The following ADGRB3 variants were observed in gnomAD, a reference collection of about 807,000 sequenced individuals.
ADGRB3 encodes the protein brain-specific angiogenesis inhibitor 3.
ADGRB3 carries 37 observed loss-of-function variants against 193.4 expected under a neutral mutation model. That is an observed-to-expected ratio of 0.19 (90% confidence interval 0.15 to 0.25). The LOEUF is 0.25. Ranked by LOEUF, ADGRB3 falls within the 10% of genes least tolerant of loss-of-function variation. The pLI is 1.00. For missense variants in ADGRB3, 1,637 were observed against 1,852.9 expected (o/e 0.88, Z 2.14); for synonymous variants, 690 against 644.2 (o/e 1.07, Z -1.08).
intron 20 of ADGRB3, among the ~76,000 whole-genome samples, chr6:69,259,088 C>T (rs1766844658): frequency 6.6e-6 from 1 of 152,160 alleles, no homozygotes. Context: ...ATATTAAACA[C>T]TTTGACCTTC....
intron 3 of ADGRB3, among the ~76,000 whole-genome samples, chr6:68,881,383 G>C (rs1205196797): frequency 6.6e-6 from 1 of 151,882 alleles, no homozygotes; most frequent in Non-Finnish European, 1.5e-5. Flanking sequence ...TCCACATTTA[G>C]TACAATGCTG....
intron 19 of ADGRB3, among the ~76,000 whole-genome samples, chr6:69,237,346 T>A (rs1244547802): frequency 1.3e-5 from 2 of 152,016 alleles, no homozygotes; most frequent in African/African-American, 4.8e-5. Flanking sequence ...TTAAATTTGG[T>A]GGCGTTGCAT....
intron 3 of ADGRB3, among the ~76,000 whole-genome samples, chr6:68,801,336 G>GA (rs1463102625): frequency 1.3e-5 from 2 of 152,020 alleles, no homozygotes; most frequent in Admixed American, 1.3e-4. Flanking sequence ...TTGAAACCCA[G>GA]AAAAAAGAGA....
chr6:68,657,784 T>C (rs1768526017), intron 3 of ADGRB3, among the ~76,000 whole-genome samples: 1 of 151,478 alleles, frequency 6.6e-6, no homozygotes, highest in Non-Finnish European at 1.5e-5. Context: ...CAAATTTGTA[T>C]AGATCTTTGC....
chr6:68,861,935 G>A (rs533890), intron 3 of ADGRB3, among the ~76,000 whole-genome samples: 67,976 of 151,896 alleles, frequency 0.45, 16,549 homozygotes, highest in East Asian at 0.6. Flanking sequence ...TTTTATAAGA[G>A]CTAGATTAGT....
intron 17 of ADGRB3, among the ~76,000 whole-genome samples, chr6:69,086,042 GTAAT>G (rs2150315912): frequency 6.6e-6 from 1 of 151,942 alleles, no homozygotes; most frequent in African/African-American, 2.4e-5. Context: ...ATGGACATAA[GTAAT>G]TATACTTGAG....
intron 3 of ADGRB3, among the ~76,000 whole-genome samples, chr6:68,687,832 C>T (rs747664610): frequency 5.9e-5 from 9 of 152,130 alleles, no homozygotes; most frequent in Non-Finnish European, 1.2e-4. Flanking sequence ...CTTTAATATA[C>T]TTTGTTTTCA....
At chr6:68,989,883 G>C in intron 10 of ADGRB3, among the ~76,000 whole-genome samples, 1 of 152,072 alleles carries the variant, frequency 6.6e-6, no homozygotes, top group Non-Finnish European at 1.5e-5. Context: ...GGAGAAAACA[G>C]TAGTTGAAAG....
chr6:68,940,392 G>A (rs6912997), intron 5 of ADGRB3, among the ~76,000 whole-genome samples: 122,531 of 151,432 alleles, frequency 0.81, 50,369 homozygotes, highest in Non-Finnish European at 0.88. Flanking sequence ...GTAGCCCCCC[G>A]CTTTCCCCCA....
At chr6:68,921,244 G>A in intron 3 of ADGRB3, among the ~76,000 whole-genome samples, 1 of 152,044 alleles carries the variant, frequency 6.6e-6, no homozygotes, top group South Asian at 2.1e-4. Context: ...TTTAAAATCC[G>A]ACTATATATG....
At chr6:69,302,857 G>T (rs559019531) in intron 20 of ADGRB3, among the ~76,000 whole-genome samples, 1 of 152,062 alleles carries the variant, frequency 6.6e-6, no homozygotes, top group Admixed American at 6.6e-5. Context: ...GTCTTCACAG[G>T]ATTTATGACA....
chr6:69,016,399 A>G (rs1447925592), intron 12 of ADGRB3, among the ~76,000 whole-genome samples: 1 of 151,966 alleles, frequency 6.6e-6, no homozygotes, highest in Admixed American at 6.6e-5. Flanking sequence ...AGACCCTATT[A>G]CATAGCCAAA....
intron 17 of ADGRB3, among the ~76,000 whole-genome samples, chr6:69,114,949 A>G (rs934788769): frequency 6.6e-6 from 1 of 152,172 alleles, no homozygotes; most frequent in Non-Finnish European, 1.5e-5. Context: ...GAAACAACAG[A>G]TGCTGGAGAG....
At chr6:69,302,417 C>G (rs1020696152) in intron 20 of ADGRB3, among the ~76,000 whole-genome samples, 1 of 151,788 alleles carries the variant, frequency 6.6e-6, no homozygotes, top group African/African-American at 2.4e-5. Context: ...TGTTTTGTCC[C>G]CGAAGTCAGA....
intron 3 of ADGRB3, among the ~76,000 whole-genome samples, chr6:68,831,956 A>G (rs979408045): frequency 1.3e-5 from 2 of 152,188 alleles, no homozygotes; most frequent in African/African-American, 4.8e-5. Flanking sequence ...GGACATGCAG[A>G]CTTAATGATG....
chr6:68,938,561 C>T (rs1463915790), intron 5 of ADGRB3, among the ~76,000 whole-genome samples: 3 of 151,802 alleles, frequency 2.0e-5, no homozygotes, highest in East Asian at 1.9e-4. Flanking sequence ...CATCCACTCT[C>T]TCTACATTTT....
At chr6:69,070,930 A>G (rs1397954512) in intron 16 of ADGRB3, among the ~76,000 whole-genome samples, 1 of 152,218 alleles carries the variant, frequency 6.6e-6, no homozygotes, top group Non-Finnish European at 1.5e-5. Flanking sequence ...TCTCTGCTCA[A>G]AGATAATCTT....
intron 6 of ADGRB3, among the ~76,000 whole-genome samples, chr6:68,955,076 A>G (rs778863440): frequency 6.6e-6 from 1 of 151,962 alleles, no homozygotes; most frequent in Non-Finnish European, 1.5e-5. Context: ...ATCTCTCCTC[A>G]CTCAGCACTC....
chr6:68,892,331 C>T (rs923803246), intron 3 of ADGRB3, among the ~76,000 whole-genome samples: 3 of 152,168 alleles, frequency 2.0e-5, no homozygotes, highest in Non-Finnish European at 4.4e-5. Context: ...AAGCCCTAGC[C>T]ACAGCAGCCT....
Sources: allele counts gnomAD v4.1 joint callset (sites outside exome capture counted in the v4.1 genomes callset), GRCh38; gene constraint gnomAD v4.1.1; transcripts MANE v1.5; gene names NCBI Gene and HGNC (gene_info 2026-07-23, HGNC 2026-07-21).